LUZP1: variants seen among roughly 807,000 people sequenced by gnomAD.
LUZP1 encodes filamin mechanobinding actin cross-linking protein.
Under a neutral mutation model 71.3 loss-of-function variants are expected in LUZP1, and 25 were observed. The ratio of observed to expected loss-of-function variants is 0.35; its 90% confidence interval spans 0.26 to 0.49. LUZP1 has a LOEUF of 0.49. Among genes scored for constraint, LUZP1 ranks in the 20% least tolerant of loss-of-function variants. The probability of loss-of-function intolerance (pLI) is 0.99; values close to 1 mark genes in which losing one functional copy is unlikely to be tolerated. For synonymous variants in LUZP1, 481 were observed against 506.4 expected (o/e 0.95, Z 0.67); for missense variants, 1,142 against 1,300.8 (o/e 0.88, Z 1.88).
chr1:23,145,924 A>G (rs751668171), intron 2 of LUZP1, among the ~76,000 whole-genome samples: 4 of 152,238 alleles, frequency 2.6e-5, no homozygotes, highest in Non-Finnish European at 5.9e-5. Flanking sequence ...TACTTATGTA[A>G]TGAAAATTAT....
intron 3 of LUZP1, among the ~76,000 whole-genome samples, chr1:23,097,994 T>C (rs1403219952): frequency 6.6e-6 from 1 of 152,158 alleles, no homozygotes; most frequent in African/African-American, 2.4e-5. Flanking sequence ...AGGAGTCTCA[T>C]TTGGGACATG....
chr1:23,084,403 T>G (rs1643726713), exon 5 of LUZP1: 1 of 152,070 alleles, frequency 6.6e-6, no homozygotes, highest in African/African-American at 2.4e-5. Flanking sequence ...TCACATTGCC[T>G]TCTCCTGTAG....
At chr1:23,113,503 G>A (rs1270166116) in intron 2 of LUZP1, among the ~76,000 whole-genome samples, 2 of 152,056 alleles carry the variant, frequency 1.3e-5, no homozygotes, top group East Asian at 3.9e-4. Flanking sequence ...TCAGCAGAGG[G>A]CAACTCCAAG....
intron 2 of LUZP1, among the ~76,000 whole-genome samples, chr1:23,112,974 T>C (rs1374103251): frequency 6.6e-6 from 1 of 152,180 alleles, no homozygotes; most frequent in African/African-American, 2.4e-5. Context: ...CCACTGCAGG[T>C]GTGACAGAGT....
At chr1:23,089,009 C>T (rs765399914) in exon 5 of LUZP1, 15 of 1,614,048 alleles carry the variant, frequency 9.3e-6, no homozygotes, top group South Asian at 3.3e-5. Context: ...GGGAGTTGTG[C>T]AGTTGCCTGT....
At chr1:23,153,765 C>T (rs1644400992) in intron 2 of LUZP1, among the ~76,000 whole-genome samples, 1 of 152,154 alleles carries the variant, frequency 6.6e-6, no homozygotes, top group Non-Finnish European at 1.5e-5. Flanking sequence ...GAGACCTCGA[C>T]TCTACTAGAA....
intron 3 of LUZP1, among the ~76,000 whole-genome samples, chr1:23,107,755 G>C (rs1367930054): frequency 6.6e-6 from 1 of 152,180 alleles, no homozygotes; most frequent in Non-Finnish European, 1.5e-5. Context: ...GAGGCAGTGA[G>C]CCAAGATCGC....
chr1:23,085,398 A>G (rs1643748565), exon 5 of LUZP1: 1 of 152,554 alleles, frequency 6.6e-6, no homozygotes, highest in African/African-American at 2.4e-5. Context: ...CCCCTTTCCT[A>G]TGATCCTATG....
At chr1:23,121,454 C>T (rs1644129002) in intron 2 of LUZP1, among the ~76,000 whole-genome samples, 1 of 152,226 alleles carries the variant, frequency 6.6e-6, no homozygotes, top group African/African-American at 2.4e-5. Context: ...CACAGTGGTT[C>T]ATGCCTGTAA....
At chr1:23,109,498 C>G (rs1244409554) in intron 2 of LUZP1, 1 of 152,230 alleles carries the variant, frequency 6.6e-6, no homozygotes, top group African/African-American at 2.4e-5. Context: ...TTGAGCATCC[C>G]TGATCTGAAA....
chr1:23,101,246 A>C (rs1426419669), intron 3 of LUZP1, among the ~76,000 whole-genome samples: 1 of 152,194 alleles, frequency 6.6e-6, no homozygotes, highest in Non-Finnish European at 1.5e-5. Context: ...TCCACACAAA[A>C]ACAATATGGT....
At chr1:23,106,045 T>C (rs562280049) in intron 3 of LUZP1, among the ~76,000 whole-genome samples, 1 of 152,354 alleles carries the variant, frequency 6.6e-6, no homozygotes, top group Admixed American at 6.5e-5. Flanking sequence ...ATGTGCTTTT[T>C]TTCTGTTTTT....
At chr1:23,132,361 A>C (rs1230098544) in intron 2 of LUZP1, among the ~76,000 whole-genome samples, 1 of 152,204 alleles carries the variant, frequency 6.6e-6, no homozygotes, top group Non-Finnish European at 1.5e-5. Context: ...TTATTGAACA[A>C]AGAAATGCAA....
At chr1:23,113,924 A>C (rs1644056746) in intron 2 of LUZP1, among the ~76,000 whole-genome samples, 2 of 152,124 alleles carry the variant, frequency 1.3e-5, no homozygotes, top group South Asian at 4.1e-4. Flanking sequence ...ATGAAGGGGA[A>C]AACAGTAAAT....
intron 2 of LUZP1, among the ~76,000 whole-genome samples, chr1:23,161,077 G>A (rs184563595): frequency 5.8e-4 from 89 of 152,158 alleles, no homozygotes; most frequent in Non-Finnish European, 1.0e-3. Context: ...AAAGATAATG[G>A]GACCAAAGGT....
rs1460632002 is a variant in LUZP1, at chr1:23,094,312, G to A, written c.-51C>T. On this transcript the variant is annotated 5_prime_UTR_variant, in exon 4 of 5. Coordinates refer to ENST00000302291, the Ensembl canonical transcript of LUZP1. The surrounding 1 kb of genome is among the most constrained non-coding windows in gnomAD (Gnocchi z 4.7). ...CTAGAGGCATCCAATTCCACTCAAG[G>A]GGATGAGAAATGGTTACCTTTCTCT... 1.3e-6 allele frequency: 2 copies of A among 1,522,214 alleles called. No homozygotes were observed. Among genetic ancestry groups the A allele is most frequent in the Admixed American group, 2.3e-5 (1 of 43,866 alleles). 94.3% of individuals were successfully genotyped at this position (1,522,214 alleles called of 1,614,324 possible).
At chr1:23,139,883 G>C (rs1463848852) in intron 2 of LUZP1, among the ~76,000 whole-genome samples, 1 of 151,822 alleles carries the variant, frequency 6.6e-6, no homozygotes, top group Non-Finnish European at 1.5e-5. Flanking sequence ...CTGGGAGGCT[G>C]AGACTGCTGT....
intron 4 of LUZP1, among the ~76,000 whole-genome samples, chr1:23,089,992 T>G (rs1451691354): frequency 6.6e-6 from 1 of 152,150 alleles, no homozygotes; most frequent in Non-Finnish European, 1.5e-5. Context: ...ACTCCTGACC[T>G]TGTGATCCGC....
chr1:23,147,612 CAAAAAAAAAA>C (rs774893320), intron 2 of LUZP1, among the ~76,000 whole-genome samples: 4 of 61,470 alleles, frequency 6.5e-5, no homozygotes, highest in African/African-American at 2.0e-4. Context: ...AGTCTCTACC[CAAAAAAAAAA>C]AAAAAAAAAA....
Sources: gnomAD v4.1 joint callset for allele counts (sites outside exome capture counted in the v4.1 genomes callset) on GRCh38, gnomAD v4.1.1 for gene constraint, Gnocchi (gnomAD v3.1) non-coding constraint, MANE v1.5 for transcripts, NCBI Gene and HGNC (gene_info 2026-07-23, HGNC 2026-07-21) for gene names.